LRP1B: variants seen among roughly 807,000 people sequenced by gnomAD.
The protein encoded by LRP1B is low-density lipoprotein receptor-related protein 1B.
In LRP1B, 217 loss-of-function variants were observed where a neutral mutation model predicts 556.6. The observed-to-expected ratio is 0.39, with a 90% CI of 0.35 to 0.44. The LOEUF is 0.44. Ranked by LOEUF, LRP1B falls within the 20% of genes least tolerant of loss-of-function variation. LRP1B has a pLI of 1.00. For synonymous variants in LRP1B, 2,047 were observed against 1,865.8 expected (o/e 1.10, Z -2.50); for missense variants, 5,053 against 5,620.8 (o/e 0.90, Z 3.23).
intron 77 of LRP1B, among the ~76,000 whole-genome samples, chr2:140,347,734 T>A (rs938841309): frequency 5.3e-5 from 8 of 152,006 alleles, no homozygotes; most frequent in Non-Finnish European, 2.9e-5. Context: ...TATTTTTCTC[T>A]CCCTTGTCTA....
At chr2:141,300,933 A>G (rs1686368538) in intron 3 of LRP1B, among the ~76,000 whole-genome samples, 1 of 152,220 alleles carries the variant, frequency 6.6e-6, no homozygotes, top group Admixed American at 6.5e-5. Context: ...GTCTGGAAAA[A>G]GAATATTCTA....
At chr2:141,598,855 C>T (rs1454016236) in intron 2 of LRP1B, among the ~76,000 whole-genome samples, 1 of 151,928 alleles carries the variant, frequency 6.6e-6, no homozygotes, top group African/African-American at 2.4e-5. Context: ...AGGAACAACA[C>T]CACAAAGAAG....
At chr2:141,752,945 G>GACAAAAAAAAAAAAAAAAAAAAAAAAA (rs1694171173) in intron 2 of LRP1B, among the ~76,000 whole-genome samples, 1 of 28,210 alleles carries the variant, frequency 3.5e-5, no homozygotes, top group Non-Finnish European at 7.4e-5. Context: ...CCCTGTCTCA[G>GACAAAAAAAAAAAAAAAAAAAAAAAAA]AAAAAAAAAA....
intron 2 of LRP1B, among the ~76,000 whole-genome samples, chr2:141,754,360 T>A (rs140084488): frequency 1.3e-5 from 2 of 152,244 alleles, no homozygotes; most frequent in African/African-American, 2.4e-5. Flanking sequence ...TTTAAAAATA[T>A]TACAGATTTG....
intron 1 of LRP1B, among the ~76,000 whole-genome samples, chr2:141,993,547 A>T (rs11695107): frequency 6.6e-6 from 1 of 152,080 alleles, no homozygotes; most frequent in Non-Finnish European, 1.5e-5. Context: ...TCTGAAGCTG[A>T]TATCACATGG....
At chr2:141,173,799 A>G (rs2105151122) in intron 7 of LRP1B, among the ~76,000 whole-genome samples, 1 of 152,154 alleles carries the variant, frequency 6.6e-6, no homozygotes, top group African/African-American at 2.4e-5. Context: ...CAACTCAATC[A>G]ATCTTGACTG....
intron 79 of LRP1B, among the ~76,000 whole-genome samples, chr2:140,332,455 C>T (rs561276274): frequency 6.6e-6 from 1 of 152,170 alleles, no homozygotes; most frequent in South Asian, 2.1e-4. Flanking sequence ...GTTGGAGACA[C>T]TGTGGTGCCT....
At chr2:142,092,641 T>C (rs958284540) in intron 1 of LRP1B, among the ~76,000 whole-genome samples, 1 of 152,130 alleles carries the variant, frequency 6.6e-6, no homozygotes, top group South Asian at 2.1e-4. Flanking sequence ...TGTGTGTGTG[T>C]GTGTGTGTGT....
chr2:140,974,471 C>T (rs768731641), intron 18 of LRP1B, among the ~76,000 whole-genome samples: 1 of 152,120 alleles, frequency 6.6e-6, no homozygotes, highest in African/African-American at 2.4e-5. Flanking sequence ...TCAGTGCTTC[C>T]GTCTCCTTAT....
In LRP1B at chr2:140,231,922, A is replaced by G. The variant is rs1680489153; in HGVS notation, c.*1264T>C. ...AAATGCTATCCTTTTATTTTTATAT[A>G]CAACTTAAATAAATCGCACTCGTTT... On this transcript the variant is annotated 3_prime_UTR_variant, in exon 91 of 91. Coordinates refer to ENST00000389484, the MANE Select transcript of LRP1B (RefSeq NM_018557.3). 2 of 151,800 alleles carry G rather than the reference A, an allele frequency of 1.3e-5. No homozygotes were observed. Among genetic ancestry groups the G allele is most frequent in the South Asian group, 2.1e-4 (1 of 4,828 alleles). The allele number at this position is 151,800 out of a possible 1,614,324, so 9.4% of individuals were successfully genotyped here. A position where few individuals can be genotyped will look rare whatever the true frequency, so the allele number is the denominator to read the frequency against.
intron 32 of LRP1B, among the ~76,000 whole-genome samples, chr2:140,798,370 G>T (rs1690389846): frequency 6.6e-6 from 1 of 152,038 alleles, no homozygotes; most frequent in South Asian, 2.1e-4. Context: ...AAAATAAACA[G>T]AAAAGAAGGA....
intron 3 of LRP1B, among the ~76,000 whole-genome samples, chr2:141,451,103 T>C (rs1681404900): frequency 6.6e-6 from 1 of 152,180 alleles, no homozygotes; most frequent in Admixed American, 6.6e-5. Flanking sequence ...AATGTGATAC[T>C]GGGACGACTG....
chr2:141,420,594 T>C (rs1680100079), intron 3 of LRP1B, among the ~76,000 whole-genome samples: 1 of 152,220 alleles, frequency 6.6e-6, no homozygotes, highest in African/African-American at 2.4e-5. Context: ...ATCTGAAGTA[T>C]GCCAACACAT....
intron 41 of LRP1B, among the ~76,000 whole-genome samples, chr2:140,643,308 A>G (rs1447587694): frequency 6.6e-6 from 1 of 152,118 alleles, no homozygotes; most frequent in African/African-American, 2.4e-5. Context: ...ACCATATCAC[A>G]AAATTTGCTT....
At chr2:140,733,729 G>C (rs1404948869) in intron 35 of LRP1B, among the ~76,000 whole-genome samples, 1 of 152,100 alleles carries the variant, frequency 6.6e-6, no homozygotes, top group Non-Finnish European at 1.5e-5. Flanking sequence ...GGAATAGGAG[G>C]AAACTTTCTA....
chr2:141,187,826 G>A (rs1320530194), intron 7 of LRP1B, among the ~76,000 whole-genome samples: 1 of 151,572 alleles, frequency 6.6e-6, no homozygotes, highest in Non-Finnish European at 1.5e-5. Flanking sequence ...CAATAAAGTA[G>A]CTTGCAAAAT....
chr2:141,441,330 G>C (rs896663519), intron 3 of LRP1B, among the ~76,000 whole-genome samples: 1 of 151,964 alleles, frequency 6.6e-6, no homozygotes, highest in Non-Finnish European at 1.5e-5. Context: ...CACCCATCTC[G>C]GCCTCCCAAA....
At chr2:141,828,474 T>C (rs1697007473) in intron 1 of LRP1B, among the ~76,000 whole-genome samples, 1 of 152,160 alleles carries the variant, frequency 6.6e-6, no homozygotes, top group East Asian at 1.9e-4. Flanking sequence ...GGATGGAGGA[T>C]AGATGTTACG....
At chr2:140,889,273 T>C (rs1453042844) in intron 23 of LRP1B, among the ~76,000 whole-genome samples, 1 of 152,026 alleles carries the variant, frequency 6.6e-6, no homozygotes, top group Admixed American at 6.6e-5. Flanking sequence ...ACACATGGAG[T>C]GCTTCCTATA....
Sources: gnomAD v4.1 joint callset for allele counts (sites outside exome capture counted in the v4.1 genomes callset) on GRCh38, gnomAD v4.1.1 for gene constraint, MANE v1.5 for transcripts, NCBI Gene and HGNC (gene_info 2026-07-23, HGNC 2026-07-21) for gene names.